TMEM132B: variants seen among roughly 807,000 people sequenced by gnomAD.
TMEM132B encodes the protein transmembrane protein 132B.
TMEM132B carries 18 observed loss-of-function variants against 90.8 expected under a neutral mutation model. The ratio of observed to expected loss-of-function variants is 0.20; its 90% CI spans 0.14 to 0.29. The LOEUF is 0.29. Ranked by LOEUF, TMEM132B falls within the 10% of genes least tolerant of loss-of-function variation. The pLI is 1.00. For missense variants in TMEM132B, 1,096 were observed against 1,326.8 expected, an observed-to-expected ratio of 0.83 and a Z score of 2.70; for synonymous variants, 504 against 523.3, an observed-to-expected ratio of 0.96 and a Z score of 0.50.
rs926971960 is a variant in TMEM132B at position 125,659,200 on chromosome 12, G to A, written c.*4490G>A. 1.3e-5 allele frequency: 2 copies of A among 152,204 alleles called. No homozygotes were observed. The highest frequency in any genetic ancestry group is 2.4e-5 in the African/African-American group (1 of 41,456). The allele number at this position is 152,204 out of a possible 1,614,324, so 9.4% of individuals were successfully genotyped here. A position where few individuals can be genotyped will look rare whatever the true frequency, so the allele number is the denominator to read the frequency against. On this transcript the variant is annotated 3_prime_UTR_variant, in exon 9 of 9. Transcript: ENST00000682704. ...AAAACATTTCTTAAAAGTTGCCAAC[G>A]TATTTTACCTTGAAAACATTTCTTA...
chr12:125,221,003 C>T lies in TMEM132B; in HGVS notation c.67+34137C>T, dbSNP rs140581378. 2.0e-3 allele frequency among the ~76,000 whole-genome samples: 306 copies of T among 152,376 alleles called. 1 individual carries two copies. The highest frequency in any genetic ancestry group is 6.9e-3 in the African/African-American group (286 of 41,588). ...TTGGAACACTCTTGCCCAATGTGTGCGTGGCTCATACCCTCAGTTCATGAC... is the reference window on the plus strand; with the variant it reads ...TTGGAACACTCTTGCCCAATGTGTGTGTGGCTCATACCCTCAGTTCATGAC... On this transcript the variant is annotated intron_variant, in intron 1 of 8. Transcript: ENST00000682704.
chr12:125,651,877 C>T (rs889805765), intron 7 of TMEM132B, among the ~76,000 whole-genome samples: 3 of 151,026 alleles, frequency 2.0e-5, no homozygotes, highest in African/African-American at 5.0e-5. Context: ...AGCCAGGGGT[C>T]ACCAGGGGTC....
intron 1 of TMEM132B, among the ~76,000 whole-genome samples, chr12:125,200,542 G>T (rs1352409251): frequency 1.3e-5 from 2 of 152,166 alleles, no homozygotes; most frequent in African/African-American, 4.8e-5. Context: ...TGCCTCATGA[G>T]ATGGGGGATT....
intron 4 of TMEM132B, among the ~76,000 whole-genome samples, chr12:125,546,041 A>G (rs556926217): frequency 1.3e-5 from 2 of 152,312 alleles, no homozygotes; most frequent in Admixed American, 6.5e-5. Flanking sequence ...AATTTTAGCA[A>G]ATGAATGCAA....
intron 1 of TMEM132B, among the ~76,000 whole-genome samples, chr12:125,197,207 A>G (rs545839272): frequency 3.3e-5 from 5 of 152,114 alleles, no homozygotes; most frequent in Non-Finnish European, 5.9e-5. Flanking sequence ...CTGTGTGTCC[A>G]TGGAAATCGC....
In TMEM132B at chr12:125,650,972, T is replaced by A; in HGVS notation, c.1914+19T>A. On this transcript the variant is annotated intron_variant, in intron 7 of 8. Transcript: ENST00000682704. ...GGTGCAGGTACACGCCGCCATGCCT[T>A]GCCCAACAGCAGTCTGTGTTGATGA... 6.2e-7 allele frequency: 1 copy of A among 1,611,072 alleles called. No individual in the cohort carries two copies. Among genetic ancestry groups the A allele is most frequent in the Non-Finnish European group, 8.5e-7 (1 of 1,179,210 alleles).
At chr12:125,463,339 A>G (rs1286142674) in intron 3 of TMEM132B, among the ~76,000 whole-genome samples, 1 of 152,166 alleles carries the variant, frequency 6.6e-6, no homozygotes, top group Admixed American at 6.5e-5. Context: ...CACAATAGGG[A>G]TGGATGGCAA....
intron 3 of TMEM132B, among the ~76,000 whole-genome samples, chr12:125,441,752 G>A (rs1044519239): frequency 6.6e-6 from 1 of 152,174 alleles, no homozygotes; most frequent in Non-Finnish European, 1.5e-5. Context: ...TTCCATCTCC[G>A]ATCACTCGTG....
chr12:125,574,767 A>G (rs1017482984), intron 4 of TMEM132B, among the ~76,000 whole-genome samples: 1 of 151,734 alleles, frequency 6.6e-6, no homozygotes, highest in Non-Finnish European at 1.5e-5. Flanking sequence ...ATTCTGCCAA[A>G]TTTTTTCTCA....
chr12:125,559,100 G>A (rs1427954195), intron 4 of TMEM132B, among the ~76,000 whole-genome samples: 3 of 152,210 alleles, frequency 2.0e-5, no homozygotes, highest in Non-Finnish European at 4.4e-5. Flanking sequence ...GTTAGTGGAA[G>A]GCCCAGGATT....
chr12:125,314,004 A>G (rs1447555745), intron 1 of TMEM132B, among the ~76,000 whole-genome samples: 3 of 151,792 alleles, frequency 2.0e-5, no homozygotes, highest in Non-Finnish European at 2.9e-5. Flanking sequence ...GCAAATACAG[A>G]TTGAACTCAA....
At chr12:125,383,622 C>A (rs903782800) in intron 2 of TMEM132B, among the ~76,000 whole-genome samples, 3 of 152,176 alleles carry the variant, frequency 2.0e-5, no homozygotes, top group African/African-American at 7.2e-5. Context: ...CAATCCCTAT[C>A]TTCTTTAAGT....
intron 1 of TMEM132B, among the ~76,000 whole-genome samples, chr12:125,268,989 G>A (rs1874759368): frequency 6.6e-6 from 1 of 152,190 alleles, no homozygotes; most frequent in South Asian, 2.1e-4. Flanking sequence ...CTTCTACCTT[G>A]TTAACTAGCA....
chr12:125,660,653 A>G lies in TMEM132B; in HGVS notation c.*5943A>G, dbSNP rs1273975752. The G allele has an allele frequency of 6.6e-6, 1 of 152,222 alleles. No individual in the cohort carries two copies. Among genetic ancestry groups the G allele is most frequent in the African/African-American group, 2.4e-5 (1 of 41,464 alleles). The allele number at this position is 152,222 out of a possible 1,614,324, so 9.4% of individuals were successfully genotyped here. ...GACACCATCATTTTCCAGATAAGAA[A>G]TAACAGTTCAAGTTCATTAGGGAAA... On this transcript the variant is annotated 3_prime_UTR_variant, in exon 9 of 9. Coordinates refer to ENST00000682704, the MANE Select transcript of TMEM132B (RefSeq NM_001366854.1).
intron 2 of TMEM132B, among the ~76,000 whole-genome samples, chr12:125,373,195 C>G (rs145324262): frequency 9.7e-4 from 147 of 152,324 alleles, no homozygotes; most frequent in Middle Eastern, 3.4e-3. Context: ...TGGCATGTAG[C>G]TGGGACTCAG....
rs1874201904 is a variant in TMEM132B, at chr12:125,246,117, C to CTCCAGTGA, written c.67+59263_67+59270dup. 6.6e-6 allele frequency among the ~76,000 whole-genome samples: 1 copy of CTCCAGTGA among 152,246 alleles called. No individual in the cohort carries two copies. The highest frequency in any genetic ancestry group is 2.1e-4 in the South Asian group (1 of 4,830). ...GCCCTGGCAGTGACTGGCGCTGCCT[C>CTCCAGTGA]TCCAGTGATCCAGTGATCCTGCTGG... On this transcript the variant is annotated intron_variant, in intron 1 of 8. Coordinates refer to ENST00000682704, the MANE Select transcript of TMEM132B (RefSeq NM_001366854.1). This position sits in a 1 kb window ranked among gnomAD's most constrained non-coding sequence, Gnocchi z 4.2.
chr12:125,534,583 AC>A (rs1883747261), intron 4 of TMEM132B, among the ~76,000 whole-genome samples: 1 of 152,160 alleles, frequency 6.6e-6, no homozygotes, highest in Non-Finnish European at 1.5e-5. Context: ...AAAACAGTAA[AC>A]AAAAATCATC....
intron 3 of TMEM132B, among the ~76,000 whole-genome samples, chr12:125,456,801 C>T (rs1390281841): frequency 6.6e-6 from 1 of 152,204 alleles, no homozygotes; most frequent in African/African-American, 2.4e-5. Context: ...TCAGAAAGAC[C>T]TGTGGACCCC....
chr12:125,528,453 T>A (rs930349780), intron 4 of TMEM132B, among the ~76,000 whole-genome samples: 17 of 152,352 alleles, frequency 1.1e-4, no homozygotes, highest in African/African-American at 3.8e-4. Flanking sequence ...TCCTTTTTAG[T>A]CGTATTGGCC....
Sources: gnomAD v4.1 joint callset for allele counts (sites outside exome capture counted in the v4.1 genomes callset) on GRCh38, gnomAD v4.1.1 for gene constraint, Gnocchi (gnomAD v3.1) non-coding constraint, MANE v1.5 for transcripts, NCBI Gene and HGNC (gene_info 2026-07-23, HGNC 2026-07-21) for gene names.